Variants in SETD5 observed in about 807,000 individuals in gnomAD.
SETD5 encodes histone-lysine N-methyltransferase SETD5.
Under a neutral mutation model 153.3 loss-of-function variants are expected in SETD5, and 44 were observed. The observed-to-expected ratio is 0.29, with a 90% CI of 0.23 to 0.37. The LOEUF is 0.37. Ranked by LOEUF, SETD5 falls within the 10% of genes least tolerant of loss-of-function variation. The pLI is 1.00. For synonymous variants in SETD5, 716 were observed against 645.2 expected (o/e 1.11, Z -1.66); for missense variants, 1,544 against 1,768.0 (o/e 0.87, Z 2.27).
intron 17 of SETD5, 147 bp downstream of exon 17, chr3:9,454,015 A>C: frequency 1.1e-6 from 1 of 928,636 alleles, no homozygotes. Context: ...AGGAAGAGAG[A>C]GATCTCAAGT....
chr3:9,447,589 C>G, intron 14 of SETD5, 97 bp from the exon 15 acceptor site: 1 of 1,317,036 alleles, frequency 7.6e-7, no homozygotes, highest in Non-Finnish European at 1.0e-6. Flanking sequence ...TTATATTTTT[C>G]ATCAGTAGAC....
intron 17 of SETD5, among the ~76,000 whole-genome samples, chr3:9,463,451 CTG>C (rs1441556717): frequency 1.3e-5 from 2 of 152,100 alleles, no homozygotes; most frequent in African/African-American, 4.8e-5. Flanking sequence ...ATGAATAAAA[CTG>C]TATTTTTATT....
At position 9,473,147 on chromosome 3, in the gene SETD5, C is replaced by T. The variant is rs2045506130; in HGVS notation, c.3196-89C>T. The T allele has an allele frequency of 7.6e-6, 11 of 1,439,986 alleles. No homozygotes were observed. The South Asian group carries it at 1.3e-4, about 17-fold the overall frequency. The allele number at this position is 1,439,986 out of a possible 1,614,324, so 89.2% of individuals were successfully genotyped here. A position where few individuals can be genotyped will look rare whatever the true frequency, so the allele number is the denominator to read the frequency against. ...CTTGGCTAGTGGTTTACTAAGGTAC[C>T]ATCTTTCCTTCTTTCCCTGTTGCTG... is the stretch of plus-strand genomic sequence containing the variant. On this transcript the variant is annotated intron_variant, in intron 19 of 22. Transcript: ENST00000402198.
rs1170111115 is a variant in SETD5, at chr3:9,433,965, G to A, written c.177+15G>A. 1.2e-6 allele frequency: 2 copies of A among 1,613,474 alleles called. No individual in the cohort carries two copies. Among genetic ancestry groups the A allele is most frequent in the African/African-American group, 2.7e-5 (2 of 74,910 alleles). On this transcript the variant is annotated intron_variant, in intron 4 of 22. Transcript: ENST00000402198. The stretch of plus-strand genomic sequence containing the variant: ...TGCCTTATGCTGTGAGTATGCATTT[G>A]TTTCTCTCCAGAACAGTGATCTTCC...
intron 2 of SETD5, among the ~76,000 whole-genome samples, chr3:9,428,338 G>A (rs1027219515): frequency 6.6e-6 from 1 of 152,120 alleles, no homozygotes; most frequent in Non-Finnish European, 1.5e-5. Context: ...ACAACAAATT[G>A]ATCTCTTTTA....
rs562061931 is a variant in SETD5 at position 9,464,053 on chromosome 3, G to A, written c.2477-372G>A. Among the ~76,000 whole-genome samples the A allele has an allele frequency of 2.4e-4, 36 of 152,228 alleles. 1 individual carries two copies. The highest frequency in any genetic ancestry group is 3.4e-3 in the Middle Eastern group (1 of 294). The stretch of plus-strand genomic sequence containing the variant: ...TGAGGCAGGTGAATCACTTGAACCC[G>A]GGAGACGGAGGTTGCAGTGAGCTAA... On this transcript the variant is annotated intron_variant, in intron 17 of 22. Transcript: ENST00000402198.
At chr3:9,440,027 T>G (rs1446866809) in intron 7 of SETD5, among the ~76,000 whole-genome samples, 2 of 152,196 alleles carry the variant, frequency 1.3e-5, no homozygotes, top group Non-Finnish European at 1.5e-5. Flanking sequence ...GGCTAACACT[T>G]AACACAGATA....
intron 18 of SETD5, among the ~76,000 whole-genome samples, chr3:9,469,269 A>G (rs2045017518): frequency 6.6e-6 from 1 of 152,204 alleles, no homozygotes; most frequent in African/African-American, 2.4e-5. Flanking sequence ...CACAAACCCT[A>G]CTGCTGTGGA....
At chr3:9,466,051 G>T (rs1258956027) in intron 18 of SETD5, among the ~76,000 whole-genome samples, 1 of 152,090 alleles carries the variant, frequency 6.6e-6, no homozygotes, top group African/African-American at 2.4e-5. Context: ...CACTTTGGGA[G>T]GCTGAGGCAG....
At chr3:9,406,419 C>T (rs1406914413) in intron 1 of SETD5, among the ~76,000 whole-genome samples, 1 of 151,392 alleles carries the variant, frequency 6.6e-6, no homozygotes, top group Non-Finnish European at 1.5e-5. Context: ...TGCCCACAGC[C>T]TGAAATATAT....
intron 1 of SETD5, among the ~76,000 whole-genome samples, chr3:9,400,581 CT>C (rs1308993035): frequency 6.6e-6 from 1 of 152,148 alleles, no homozygotes; most frequent in East Asian, 1.9e-4. Context: ...GGAGTGGTTT[CT>C]AAATAAATAT....
At chr3:9,412,590 A>G (rs1244164605) in intron 1 of SETD5, among the ~76,000 whole-genome samples, 1 of 151,536 alleles carries the variant, frequency 6.6e-6, no homozygotes, top group Non-Finnish European at 1.5e-5. Flanking sequence ...AATATCTTGT[A>G]CAGGTGGGGG....
At chr3:9,408,820 G>T (rs2036119196) in intron 1 of SETD5, among the ~76,000 whole-genome samples, 1 of 152,046 alleles carries the variant, frequency 6.6e-6, no homozygotes, top group Admixed American at 6.6e-5. Context: ...TGTGAATTAT[G>T]TCAAGATTTA....
At chr3:9,448,285 G>C in intron 15 of SETD5, 103 bp from the exon 16 acceptor site, 2 of 1,479,110 alleles carry the variant, frequency 1.4e-6, no homozygotes, top group South Asian at 2.8e-5. Flanking sequence ...TCTTACTGCA[G>C]CTGCTGCATC....
In SETD5 at chr3:9,434,722, G is replaced by A; in HGVS notation, c.330-102G>A. 6.8e-7 allele frequency: 1 copy of A among 1,466,446 alleles called. No homozygotes were observed. The highest frequency in any genetic ancestry group is 9.1e-7 in the Non-Finnish European group (1 of 1,100,474). The allele number at this position is 1,466,446 out of a possible 1,614,324, so 90.8% of individuals were successfully genotyped here. On this transcript the variant is annotated intron_variant, in intron 5 of 22. Coordinates refer to ENST00000402198, the MANE Select transcript of SETD5 (RefSeq NM_001080517.3). The surrounding 1 kb of genome is among the most constrained non-coding windows in gnomAD (Gnocchi z 5.6). ...AATGTCCTGGAAACATTTGGTAGGT[G>A]GGAGGGAGGGGGTAGCATATGCAGA...
In SETD5 at chr3:9,430,483, C is replaced by T. The variant is rs189842758; in HGVS notation, c.71+1474C>T. On this transcript the variant is annotated intron_variant, in intron 3 of 22. Coordinates refer to ENST00000402198, the MANE Select transcript of SETD5 (RefSeq NM_001080517.3). ...GCATGCAAAAGGTATTTAGTTATGT[C>T]AGTAACTGAGACTTACTTAACCATT... 36 of 376,602 alleles carry T rather than the reference C, an allele frequency of 9.6e-5. No homozygotes were observed. In the East Asian group the frequency reaches 5.1e-3, roughly 53 times the overall value. 23.3% of individuals were successfully genotyped at this position (376,602 alleles called of 1,614,324 possible). A position where few individuals can be genotyped will look rare whatever the true frequency, so the allele number is the denominator to read the frequency against.
intron 1 of SETD5, among the ~76,000 whole-genome samples, chr3:9,418,075 G>C (rs1369038962): frequency 6.6e-6 from 1 of 151,294 alleles, no homozygotes; most frequent in Admixed American, 6.6e-5. Context: ...CGAATAGCTG[G>C]GACTACAGGC....
At position 9,445,270 on chromosome 3, in the gene SETD5, A is replaced by G; in HGVS notation, c.1410A>G (p.Pro470=). The G allele has an allele frequency of 6.2e-7, 1 of 1,607,928 alleles. No homozygotes were observed. The highest frequency in any genetic ancestry group is 1.1e-5 in the South Asian group (1 of 90,164). ...ATGACCAGCAATCACAAGAAGTTCC[A>G]GAAAAAGTAACTGTATCCAGTGATC... ...ENNDQQSQEV[P]EKVTVSSDHE... is the part of the protein sequence containing the mutation. The change falls in exon 12 of 23, where the codon CCA becomes CCG. Residue 470 remains proline, a synonymous_variant. Coordinates refer to ENST00000402198, the MANE Select transcript of SETD5 (RefSeq NM_001080517.3).
At chr3:9,465,382 A>G (rs1348025960) in intron 18 of SETD5, among the ~76,000 whole-genome samples, 1 of 152,198 alleles carries the variant, frequency 6.6e-6, no homozygotes, top group South Asian at 2.1e-4. Context: ...AGCAGGTTTC[A>G]ATAGAATCCA....
Sources: allele counts gnomAD v4.1 joint callset (sites outside exome capture counted in the v4.1 genomes callset), GRCh38; gene constraint gnomAD v4.1.1; non-coding constraint Gnocchi (gnomAD v3.1); transcripts MANE v1.5; gene names NCBI Gene and HGNC (gene_info 2026-07-23, HGNC 2026-07-21).